Variants in CCDC102B observed in about 807,000 individuals in gnomAD.
CCDC102B encodes the protein coiled-coil domain containing 102B.
In CCDC102B, 75 loss-of-function variants were observed where a neutral mutation model predicts 57.4. The observed-to-expected ratio is 1.31, with a 90% confidence interval of 1.08 to 1.58. The LOEUF is 1.58. Among genes scored for constraint, CCDC102B ranks in the 40% most tolerant of loss-of-function variants. CCDC102B has a pLI of 0.00. For synonymous variants in CCDC102B, 206 were observed against 201.9 expected, an observed-to-expected ratio of 1.02 and a Z score of -0.17; for missense variants, 636 against 582.6, an observed-to-expected ratio of 1.09 and a Z score of -0.94.
chr18:68,823,034 G>C (rs959808251), intron 1 of CCDC102B, among the ~76,000 whole-genome samples: 34 of 152,206 alleles, frequency 2.2e-4, no homozygotes, highest in Non-Finnish European at 3.7e-4. Context: ...GATTGGTCTG[G>C]GGCCAAGCCT....
intron 1 of CCDC102B, among the ~76,000 whole-genome samples, chr18:68,822,102 A>G (rs1039589662): frequency 2.6e-5 from 4 of 152,200 alleles, no homozygotes; most frequent in Admixed American, 6.5e-5. Context: ...CATTGTTTAA[A>G]GCTGAAATAT....
At chr18:68,890,204 G>A (rs892879633) in intron 5 of CCDC102B, among the ~76,000 whole-genome samples, 3 of 151,656 alleles carry the variant, frequency 2.0e-5, no homozygotes, top group Non-Finnish European at 2.9e-5. Flanking sequence ...TTTAATGCAC[G>A]GATATTGAAT....
chr18:68,792,552 A>T (rs1305674668), intron 2 of CCDC102B, among the ~76,000 whole-genome samples: 2 of 152,228 alleles, frequency 1.3e-5, no homozygotes, highest in Middle Eastern at 3.2e-3. Flanking sequence ...TGCCAGTGAT[A>T]GCCTTAATCC....
intron 2 of CCDC102B, among the ~76,000 whole-genome samples, chr18:68,759,098 G>A (rs1469493167): frequency 6.6e-6 from 1 of 151,480 alleles, no homozygotes; most frequent in African/African-American, 2.4e-5. Context: ...AACTATGAAA[G>A]CACTATAAAA....
At chr18:68,955,134 T>C (rs1442452211) in intron 6 of CCDC102B, among the ~76,000 whole-genome samples, 1 of 152,190 alleles carries the variant, frequency 6.6e-6, no homozygotes, top group African/African-American at 2.4e-5. Flanking sequence ...TGAAGCAATG[T>C]GTGCCTTTAT....
intron 6 of CCDC102B, among the ~76,000 whole-genome samples, chr18:68,920,912 C>T (rs984921351): frequency 2.0e-5 from 3 of 152,122 alleles, no homozygotes; most frequent in Non-Finnish European, 4.4e-5. Flanking sequence ...GAGGACACAG[C>T]CAAACCATAT....
At chr18:69,057,513 C>T (rs1458135591), downstream of CCDC102B, among the ~76,000 whole-genome samples, 1 of 152,006 alleles carries the variant, frequency 6.6e-6, no homozygotes, top group Admixed American at 6.6e-5. Context: ...ACTCAGGAGT[C>T]AGCCTTGAGC....
At chr18:69,013,006 T>C (rs902907331) in intron 7 of CCDC102B, among the ~76,000 whole-genome samples, 1 of 152,040 alleles carries the variant, frequency 6.6e-6, no homozygotes, top group South Asian at 2.1e-4. Flanking sequence ...TATCTAGCAA[T>C]CTTACTCCTG....
At chr18:68,995,983 G>A (rs1454937944) in intron 6 of CCDC102B, among the ~76,000 whole-genome samples, 1 of 152,188 alleles carries the variant, frequency 6.6e-6, no homozygotes, top group Non-Finnish European at 1.5e-5. Context: ...AGCGTGACCT[G>A]GATGTGAGAC....
intron 6 of CCDC102B, among the ~76,000 whole-genome samples, chr18:68,995,195 T>C (rs1239154276): frequency 6.6e-5 from 10 of 152,110 alleles, no homozygotes; most frequent in Non-Finnish European, 1.5e-4. Flanking sequence ...TTGGAACTTA[T>C]GTTTAAAAGG....
At chr18:68,764,717 A>G (rs1053889914) in intron 2 of CCDC102B, among the ~76,000 whole-genome samples, 6 of 152,080 alleles carry the variant, frequency 3.9e-5, no homozygotes, top group Non-Finnish European at 5.9e-5. Flanking sequence ...CTAATTTACT[A>G]CAAATAAATT....
At position 68,819,766 on chromosome 18, in the gene CCDC102B, T is replaced by A. The variant is rs556263723; in HGVS notation, c.-15-16983T>A. On this transcript the variant is annotated intron_variant, in intron 1 of 7. Transcript: ENST00000360242. ...TTTAGTTTCTCTTACGAGTGTATTG[T>A]AGTTTATAGGATGTAAGCTTACCTA... Among the ~76,000 whole-genome samples, 13 of 152,152 alleles carry A rather than the reference T, an allele frequency of 8.5e-5. No individual in the cohort carries two copies. The East Asian group carries it at 2.1e-3, about 25-fold the overall frequency.
At chr18:68,736,291 T>C (rs183628599) in intron 2 of CCDC102B, among the ~76,000 whole-genome samples, 88 of 152,328 alleles carry the variant, frequency 5.8e-4, no homozygotes, top group Non-Finnish European at 4.4e-5. Flanking sequence ...AATTTTAAAA[T>C]AAGTGTGAAT....
intron 6 of CCDC102B, among the ~76,000 whole-genome samples, chr18:68,993,901 C>T (rs890761499): frequency 1.1e-4 from 16 of 152,134 alleles, no homozygotes; most frequent in African/African-American, 1.9e-4. Context: ...CCATAGTGTA[C>T]GCCTACACTG....
At chr18:69,030,961 G>A (rs2052125139) in intron 7 of CCDC102B, among the ~76,000 whole-genome samples, 1 of 152,030 alleles carries the variant, frequency 6.6e-6, no homozygotes, top group Non-Finnish European at 1.5e-5. Context: ...CCCAGTGTAT[G>A]TTTCATTGTA....
At chr18:68,752,934 A>C (rs924176849) in intron 2 of CCDC102B, among the ~76,000 whole-genome samples, 2 of 152,134 alleles carry the variant, frequency 1.3e-5, no homozygotes, top group Non-Finnish European at 2.9e-5. Context: ...CTCAGCCATT[A>C]CTTTTTTGAA....
chr18:68,971,358 A>C (rs1221678636), intron 6 of CCDC102B, among the ~76,000 whole-genome samples: 1 of 152,190 alleles, frequency 6.6e-6, no homozygotes, highest in Admixed American at 6.5e-5. Context: ...CCTCTTTCAC[A>C]CATTCATCAA....
At chr18:69,012,287 G>C (rs2051539420) in intron 7 of CCDC102B, among the ~76,000 whole-genome samples, 1 of 152,118 alleles carries the variant, frequency 6.6e-6, no homozygotes. Context: ...TGGGCTGGTG[G>C]TGATGATGGT....
In CCDC102B at chr18:68,984,392, G is replaced by A. The variant is rs192186107; in HGVS notation, c.1264-26542G>A. On this transcript the variant is annotated intron_variant, in intron 6 of 7. Transcript: ENST00000360242. ...AGAAAGGTGATGTCGATTTGCTGAAGGACAAACCATAAAGAGTTTCCTACC... is the reference window on the plus strand; with the variant it reads ...AGAAAGGTGATGTCGATTTGCTGAAAGACAAACCATAAAGAGTTTCCTACC... Among the ~76,000 whole-genome samples the A allele has an allele frequency of 3.0e-3, 452 of 152,164 alleles. 1 individual carries two copies. Among genetic ancestry groups the A allele is most frequent in the African/African-American group, 0.01 (420 of 41,540 alleles).
Sources: allele counts gnomAD v4.1 joint callset (sites outside exome capture counted in the v4.1 genomes callset), GRCh38; gene constraint gnomAD v4.1.1; transcripts MANE v1.5; gene names NCBI Gene and HGNC (gene_info 2026-07-23, HGNC 2026-07-21).